ESRRG: variants seen among roughly 807,000 people sequenced by gnomAD.
The protein encoded by ESRRG is estrogen related receptor gamma, also known as estrogen-related receptor gamma.
In ESRRG, 13 loss-of-function variants were observed where a neutral mutation model predicts 44.0. That is an observed-to-expected ratio of 0.30 (90% CI 0.19 to 0.47). The LOEUF is 0.47. Among genes scored for constraint, ESRRG ranks in the 20% least tolerant of loss-of-function variants. The probability of loss-of-function intolerance (pLI) is 1.00; values close to 1 mark genes in which losing one functional copy is unlikely to be tolerated. For synonymous variants in ESRRG, 215 were observed against 214.6 expected (o/e 1.00, Z -0.02); for missense variants, 395 against 580.6 (o/e 0.68, Z 3.29).
chr1:216,875,904 G>A (rs917121477), intron 2 of ESRRG, among the ~76,000 whole-genome samples: 11 of 151,970 alleles, frequency 7.2e-5, no homozygotes, highest in African/African-American at 2.4e-4. Flanking sequence ...CCAGAAGGAA[G>A]GTATTTTTTA....
At chr1:216,789,157 T>C (rs919838785) in intron 2 of ESRRG, among the ~76,000 whole-genome samples, 2 of 152,168 alleles carry the variant, frequency 1.3e-5, no homozygotes, top group Non-Finnish European at 2.9e-5. Context: ...GCAGAAGTTC[T>C]TCTGTGGGTA....
intron 2 of ESRRG, among the ~76,000 whole-genome samples, chr1:216,867,688 C>T (rs1021906296): frequency 1.3e-5 from 2 of 152,256 alleles, no homozygotes; most frequent in South Asian, 2.1e-4. Flanking sequence ...CATCTCTCCC[C>T]GACCTCTTCT....
At chr1:216,639,063 G>T (rs370908659) in intron 3 of ESRRG, among the ~76,000 whole-genome samples, 1 of 152,184 alleles carries the variant, frequency 6.6e-6, no homozygotes, top group East Asian at 1.9e-4. Flanking sequence ...TAATGATTAT[G>T]ATAATGTTGA....
chr1:216,965,115 C>A (rs1453930648), intron 1 of ESRRG, among the ~76,000 whole-genome samples: 1 of 151,208 alleles, frequency 6.6e-6, no homozygotes, highest in African/African-American at 2.4e-5. Context: ...TCAAATGTAT[C>A]ATGGACAAGT....
chr1:216,816,350 A>G (rs144204357), intron 2 of ESRRG, among the ~76,000 whole-genome samples: 2 of 152,374 alleles, frequency 1.3e-5, no homozygotes, highest in East Asian at 1.9e-4. Flanking sequence ...AATTAGCTCA[A>G]TTTAACCATC....
At chr1:216,909,140 C>T (rs1340551175) in intron 2 of ESRRG, among the ~76,000 whole-genome samples, 1 of 152,156 alleles carries the variant, frequency 6.6e-6, no homozygotes, top group African/African-American at 2.4e-5. Context: ...AATGGTGTGA[C>T]TTTGTTGAGC....
Position 216,776,862 on chromosome 1 carries a change from T to G in ESRRG, c.-13-99371A>C, listed in dbSNP as rs981317994. Among the ~76,000 whole-genome samples the G allele has an allele frequency of 3.9e-5, 6 of 152,060 alleles. No homozygotes were observed. In the East Asian group the frequency reaches 9.7e-4, roughly 25 times the overall value. ...AGGCAACACTAGAAGTGTGGCCAGA[T>G]GGGGACAGGGACAGAAGAGCCACAC... On this transcript the variant is annotated intron_variant, in intron 2 of 7. Transcript: ENST00000359162.
chr1:216,607,455 C>T (rs949191431), intron 3 of ESRRG, among the ~76,000 whole-genome samples: 11 of 152,132 alleles, frequency 7.2e-5, no homozygotes, highest in Admixed American at 1.3e-4. Context: ...GGCGCTTGCA[C>T]GGCAATTTAC....
chr1:216,830,824 T>C (rs997182613), intron 2 of ESRRG, among the ~76,000 whole-genome samples: 7 of 151,850 alleles, frequency 4.6e-5, no homozygotes, highest in African/African-American at 1.7e-4. Context: ...GGGATAATGT[T>C]AGAAGGAAAA....
chr1:216,529,354 T>C (rs2048603142), intron 5 of ESRRG, among the ~76,000 whole-genome samples: 1 of 152,142 alleles, frequency 6.6e-6, no homozygotes. Flanking sequence ...CATGAGAAAA[T>C]TATTCTGTTA....
intron 5 of ESRRG, among the ~76,000 whole-genome samples, chr1:216,546,768 TG>T (rs566016648): frequency 4.8e-4 from 73 of 152,038 alleles, no homozygotes; most frequent in East Asian, 2.7e-3. Flanking sequence ...GATCAGGGTT[TG>T]GAATCATAGA....
At chr1:217,135,007 C>T in intron 1 of ESRRG, among the ~76,000 whole-genome samples, 1 of 152,228 alleles carries the variant, frequency 6.6e-6, no homozygotes, top group Non-Finnish European at 1.5e-5. Context: ...GCCTCTCCTT[C>T]CTCTCCTTTC....
chr1:217,087,541 A>G (rs892636334), intron 1 of ESRRG, among the ~76,000 whole-genome samples: 2 of 152,094 alleles, frequency 1.3e-5, no homozygotes, highest in Non-Finnish European at 2.9e-5. Flanking sequence ...ACCCATCACA[A>G]ACTCCCCTGG....
At position 216,994,308 on chromosome 1, in the gene ESRRG, C is replaced by T. The variant is rs193122189; in HGVS notation, c.-105-54635G>A. Among the ~76,000 whole-genome samples, 22 of 152,294 alleles carry T rather than the reference C, an allele frequency of 1.4e-4. No homozygotes were observed. In the East Asian group the frequency reaches 3.3e-3, roughly 23 times the overall value. ...TGTGGAAGATGAGTTAGTAGCTCCT[C>T]TCCAGTCCCAGGTATGCATTTTACA... is the stretch of plus-strand genomic sequence containing the variant. On this transcript the variant is annotated intron_variant, in intron 1 of 7. Coordinates refer to the ESRRG transcript ENST00000359162.
At chr1:216,984,578 T>A (rs111670209) in intron 1 of ESRRG, among the ~76,000 whole-genome samples, 3,745 of 152,246 alleles carry the variant, frequency 0.025, 150 homozygotes, top group African/African-American at 0.084. Flanking sequence ...CTTTGTGCAG[T>A]AAGGATGGCC....
At chr1:216,558,323 A>AG (rs2058013854) in intron 5 of ESRRG, among the ~76,000 whole-genome samples, 2 of 152,158 alleles carry the variant, frequency 1.3e-5, no homozygotes, top group African/African-American at 4.8e-5. Flanking sequence ...GTAAATTTTC[A>AG]GTTGTTTTAG....
At position 216,777,396 on chromosome 1, in the gene ESRRG, T is replaced by C. The variant is rs142411874; in HGVS notation, c.-13-99905A>G. On this transcript the variant is annotated intron_variant, in intron 2 of 7. Transcript: ENST00000359162. The stretch of plus-strand genomic sequence containing the variant: ...CGAAAACTCTCTCAACAAGAGCTAA[T>C]GAAGAGCTGCCACAGATATTTATGA... Among the ~76,000 whole-genome samples the C allele has an allele frequency of 4.2e-3, 639 of 152,230 alleles. 1 individual carries two copies. The highest frequency in any genetic ancestry group is 0.024 in the Middle Eastern group (7 of 294).
chr1:216,727,542 A>G (rs553352711), upstream of ESRRG, among the ~76,000 whole-genome samples: 13 of 152,032 alleles, frequency 8.6e-5, no homozygotes, highest in South Asian at 2.1e-4. Context: ...CACCTTTCCC[A>G]CTGAGAACAC....
intron 1 of ESRRG, among the ~76,000 whole-genome samples, chr1:216,693,470 C>T (rs2079490179): frequency 6.6e-6 from 1 of 152,064 alleles, no homozygotes; most frequent in Admixed American, 6.6e-5. Flanking sequence ...CCTCAGTATC[C>T]ATGGGGGATT....
Sources: gnomAD v4.1 joint callset for allele counts (sites outside exome capture counted in the v4.1 genomes callset) on GRCh38, gnomAD v4.1.1 for gene constraint, MANE v1.5 for transcripts, NCBI Gene and HGNC (gene_info 2026-07-23, HGNC 2026-07-21) for gene names.